Variants in PPP1R9A observed in about 807,000 individuals in gnomAD.
PPP1R9A encodes neurabin-1.
PPP1R9A carries 59 observed loss-of-function variants against 141.9 expected under a neutral mutation model. That is an observed-to-expected ratio of 0.42 (90% CI 0.34 to 0.52). The LOEUF is 0.52. PPP1R9A is among the 20% of genes least tolerant of loss of function. The pLI is 0.10. For missense variants in PPP1R9A, 1,444 were observed against 1,611.9 expected, an observed-to-expected ratio of 0.90 and a Z score of 1.78; for synonymous variants, 500 against 569.7, an observed-to-expected ratio of 0.88 and a Z score of 1.74.
At chr7:94,936,462 T>G (rs1227671162) in intron 2 of PPP1R9A, among the ~76,000 whole-genome samples, 1 of 152,180 alleles carries the variant, frequency 6.6e-6, no homozygotes, top group East Asian at 1.9e-4. Context: ...GTTTTCATCT[T>G]ACCATTTACT....
At chr7:95,091,337 C>CTTTTTTTTTT (rs555627706) in intron 2 of PPP1R9A, among the ~76,000 whole-genome samples, 3 of 75,972 alleles carry the variant, frequency 3.9e-5, no homozygotes, top group African/African-American at 5.4e-5. Flanking sequence ...TGTTTTAACT[C>CTTTTTTTTTT]TTTTTTTTTT....
chr7:95,013,026 T>C (rs1356169143), intron 2 of PPP1R9A, among the ~76,000 whole-genome samples: 2 of 152,144 alleles, frequency 1.3e-5, no homozygotes, highest in Non-Finnish European at 2.9e-5. Flanking sequence ...GTTTTTGTTT[T>C]TGTTGTGGAC....
intron 8 of PPP1R9A, among the ~76,000 whole-genome samples, chr7:95,242,966 A>G (rs1003185418): frequency 6.6e-6 from 1 of 152,152 alleles, no homozygotes; most frequent in African/African-American, 2.4e-5. Flanking sequence ...GTACTTTGAA[A>G]AGGTTATTGA....
intron 2 of PPP1R9A, among the ~76,000 whole-genome samples, chr7:95,046,148 G>A (rs1040482043): frequency 2.7e-5 from 4 of 150,450 alleles, no homozygotes; most frequent in African/African-American, 4.9e-5. Context: ...GCACAATCTC[G>A]GTTCCCTGCA....
intron 7 of PPP1R9A, among the ~76,000 whole-genome samples, chr7:95,208,390 A>T (rs1791290444): frequency 6.6e-6 from 1 of 152,170 alleles, no homozygotes. Context: ...AAAATTTGGA[A>T]GATAGCATAG....
At chr7:95,286,980 TAAGC>T in intron 18 of PPP1R9A, 18 of 952,416 alleles carry the variant, frequency 1.9e-5, no homozygotes, top group Admixed American at 2.7e-5. Context: ...TTTTTTCTTG[TAAGC>T]TTTTCTGCCC....
chr7:95,272,103 C>T lies in PPP1R9A; in HGVS notation c.3125-1796C>T, dbSNP rs563705041. Among the ~76,000 whole-genome samples, 24 of 152,258 alleles carry T rather than the reference C, an allele frequency of 1.6e-4. No individual in the cohort carries two copies. In the East Asian group the frequency reaches 3.3e-3, roughly 21 times the overall value. On this transcript the variant is annotated intron_variant, in intron 14 of 19. Transcript: ENST00000433360. The stretch of plus-strand genomic sequence containing the variant: ...ATAGGCAGAATCAGGCTTTTAGTCG[C>T]ATGATGTCCAAATAACTGCAACACT...
chr7:95,050,226 C>A (rs1810602047), intron 2 of PPP1R9A, among the ~76,000 whole-genome samples: 1 of 152,074 alleles, frequency 6.6e-6, no homozygotes, highest in Non-Finnish European at 1.5e-5. Context: ...TTTGCAGTTC[C>A]CTAATGACAT....
intron 2 of PPP1R9A, among the ~76,000 whole-genome samples, chr7:95,038,124 G>A (rs1182649591): frequency 1.3e-5 from 2 of 148,374 alleles, no homozygotes; most frequent in Non-Finnish European, 3.0e-5. Flanking sequence ...AAAAAAAAAA[G>A]ACGTTATTAT....
chr7:94,934,987 G>C (rs1053488478), intron 2 of PPP1R9A, among the ~76,000 whole-genome samples: 6 of 152,034 alleles, frequency 3.9e-5, no homozygotes, highest in Admixed American at 3.3e-4. Context: ...AGCCTTCCTA[G>C]TAGCTTGGAG....
chr7:95,227,678 C>G (rs1397397905), intron 8 of PPP1R9A, among the ~76,000 whole-genome samples: 1 of 152,062 alleles, frequency 6.6e-6, no homozygotes, highest in South Asian at 2.1e-4. Flanking sequence ...GCTTTCTGGC[C>G]CTTTACTGAA....
rs942960642 is a variant in PPP1R9A, at chr7:95,080,292, A to G, written c.1396-30967A>G. Among the ~76,000 whole-genome samples, 884 of 152,112 alleles carry G rather than the reference A, an allele frequency of 5.8e-3. 5 individuals carry two copies. Among genetic ancestry groups the G allele is most frequent in the Middle Eastern group, 0.034 (10 of 292 alleles). The stretch of plus-strand genomic sequence containing the variant: ...AAATCACAAGCATTCTTATACACCA[A>G]TAACAGACAAACAGAGAGCCAAATC... On this transcript the variant is annotated intron_variant, in intron 2 of 19. Transcript: ENST00000433360.
intron 7 of PPP1R9A, among the ~76,000 whole-genome samples, chr7:95,219,013 G>A (rs1335261479): frequency 6.6e-6 from 1 of 152,120 alleles, no homozygotes; most frequent in African/African-American, 2.4e-5. Flanking sequence ...CTGTCATTAT[G>A]ATGTTAGCTG....
intron 2 of PPP1R9A, among the ~76,000 whole-genome samples, chr7:94,921,426 G>T (rs1445116929): frequency 6.8e-6 from 1 of 147,006 alleles, no homozygotes; most frequent in Non-Finnish European, 1.5e-5. Flanking sequence ...CAGCCTGGGC[G>T]ACAGAGCTAG....
At chr7:95,288,813 T>C in intron 19 of PPP1R9A, 95 bp downstream of exon 19, 1 of 1,382,664 alleles carries the variant, frequency 7.2e-7, no homozygotes, top group Non-Finnish European at 9.8e-7. Context: ...ATTCTGCATA[T>C]CTGAGAGGTA....
chr7:95,253,969 T>C (rs1563506744), intron 12 of PPP1R9A, among the ~76,000 whole-genome samples: 1 of 152,272 alleles, frequency 6.6e-6, no homozygotes, highest in East Asian at 1.9e-4. Context: ...TTCAAACATA[T>C]AATTAATGGT....
intron 16 of PPP1R9A, among the ~76,000 whole-genome samples, chr7:95,277,624 G>A (rs535506835): frequency 6.6e-6 from 1 of 152,120 alleles, no homozygotes; most frequent in African/African-American, 2.4e-5. Context: ...GTGGGGTCTT[G>A]CTATGTTGCC....
intron 2 of PPP1R9A, among the ~76,000 whole-genome samples, chr7:95,023,847 C>T (rs928658993): frequency 1.3e-5 from 2 of 152,108 alleles, no homozygotes; most frequent in East Asian, 3.9e-4. Flanking sequence ...CCACCATGCC[C>T]GGCCTTCTCT....
chr7:95,058,579 C>T (rs1183497084), intron 2 of PPP1R9A, among the ~76,000 whole-genome samples: 1 of 151,772 alleles, frequency 6.6e-6, no homozygotes, highest in East Asian at 1.9e-4. Flanking sequence ...AGGAAGAAGA[C>T]GAGAAAGATA....
Sources: allele counts gnomAD v4.1 joint callset (sites outside exome capture counted in the v4.1 genomes callset), GRCh38; gene constraint gnomAD v4.1.1; transcripts MANE v1.5; gene names NCBI Gene and HGNC (gene_info 2026-07-23, HGNC 2026-07-21).